Variants in TDG observed in about 807,000 individuals in gnomAD.
The protein encoded by TDG is G/T mismatch-specific thymine DNA glycosylase.
TDG carries 23 observed loss-of-function variants against 46.1 expected under a neutral mutation model. The ratio of observed to expected loss-of-function variants is 0.50; its 90% CI spans 0.36 to 0.71. The LOEUF (loss-of-function observed/expected upper bound fraction) is 0.71. Ranked by LOEUF, TDG falls within the 30% of genes least tolerant of loss-of-function variation. TDG has a pLI of 0.00. For missense variants in TDG, 304 were observed against 486.7 expected (o/e 0.62, Z 3.53); for synonymous variants, 115 against 161.3 (o/e 0.71, Z 2.18).
intron 1 of TDG, chr12:103,972,897 T>G: frequency 1.6e-6 from 1 of 617,790 alleles, no homozygotes; most frequent in Non-Finnish European, 2.9e-6. Flanking sequence ...TTTGAAAAAT[T>G]TTTTTAAAGT....
chr12:103,972,996 G>A (rs1216170656), intron 1 of TDG: 1 of 700,708 alleles, frequency 1.4e-6, no homozygotes, highest in South Asian at 1.5e-5. Context: ...TGGGACATGT[G>A]AAATTCTGAG....
chr12:103,966,113 G>C (rs1001876438), intron 1 of TDG, 53 bp downstream of exon 1: 25 of 1,453,978 alleles, frequency 1.7e-5, no homozygotes, highest in Non-Finnish European at 2.1e-5. Flanking sequence ...TGCTGGGCAG[G>C]CTGGCTGGCG....
rs769582522 is a variant in TDG, at chr12:103,980,875, A to G, written c.409-18A>G. The stretch of plus-strand genomic sequence containing the variant: ...TCCTGCTTTTTAAGATGAAATGTCT[A>G]ATTGTTTTGTTTTATAGATTGGCAT... On this transcript the variant is annotated intron_variant, in intron 3 of 9. Transcript: ENST00000392872. 1.7e-5 allele frequency: 28 copies of G among 1,610,950 alleles called. No individual in the cohort carries two copies. Among genetic ancestry groups the G allele is most frequent in the Non-Finnish European group, 2.4e-5 (28 of 1,178,856 alleles).
intron 1 of TDG, 32 bp downstream of exon 1, chr12:103,966,092 G>C: frequency 1.3e-6 from 2 of 1,548,788 alleles, no homozygotes; most frequent in Non-Finnish European, 1.7e-6. Context: ...CCCCTCCCTT[G>C]CGCCCCTCAC....
intron 1 of TDG, among the ~76,000 whole-genome samples, chr12:103,974,188 T>C (rs925064075): frequency 9.2e-5 from 14 of 152,214 alleles, no homozygotes; most frequent in Non-Finnish European, 1.3e-4. Context: ...GTTTGCCTTT[T>C]TTTTTTCCTG....
intron 1 of TDG, among the ~76,000 whole-genome samples, chr12:103,976,507 G>C (rs1871550113): frequency 6.6e-6 from 1 of 151,832 alleles, no homozygotes. Flanking sequence ...GATTGGAGGG[G>C]ATCTTCAGGT....
At chr12:103,968,356 T>A (rs903308385) in intron 1 of TDG, among the ~76,000 whole-genome samples, 1 of 152,148 alleles carries the variant, frequency 6.6e-6, no homozygotes, top group African/African-American at 2.4e-5. Context: ...AACCCTTGCA[T>A]GAGAGTAGAC....
Position 103,980,906 on chromosome 12 carries a change from C to T in TDG, c.422C>T (p.Pro141Leu), listed in dbSNP as rs1450520026. Residue 141 changes from proline (P) to leucine (L), a missense_variant, in exon 4 of 10, where the codon CCG becomes CTG. Coordinates refer to ENST00000392872, the MANE Select transcript of TDG (RefSeq NM_003211.6). ...TTTGTTTTATAGATTGGCATAAACC[C>T]GGGACTAATGGCTGCTTACAAAGGG... Reference protein sequence around the residue: ...NLDIVIIGINPGLMAAYKGHH... With the variant: ...NLDIVIIGINLGLMAAYKGHH... 20 of 1,613,540 alleles carry T rather than the reference C, an allele frequency of 1.2e-5. No homozygotes were observed. Among genetic ancestry groups the T allele is most frequent in the South Asian group, 2.2e-5 (2 of 91,004 alleles).
At chr12:103,974,436 C>T (rs1201293087) in intron 1 of TDG, among the ~76,000 whole-genome samples, 1 of 151,986 alleles carries the variant, frequency 6.6e-6, no homozygotes, top group Admixed American at 6.6e-5. Flanking sequence ...ACCACCATGC[C>T]CAGCTAATGT....
Position 103,984,918 on chromosome 12 carries a change from A to T in TDG, c.962A>T (p.Gln321Leu), listed in dbSNP as rs774844730. The change falls in exon 8 of 10, where the codon CAA becomes CTA. Residue 321 changes from glutamine (Q) to leucine (L), a missense_variant and splice_region_variant. Gln to Leu is a moderately radical substitution (Grantham distance 113). Transcript: ENST00000392872. ...VQYTFDLQLA[Q>L]EDAKKMAVKE... ...TATACATTTGACCTACAGCTTGCCC[A>T]AGGTATGTTACTGTCCTCATTCCTT... 6.2e-7 allele frequency: 1 copy of T among 1,601,268 alleles called. No homozygotes were observed. The highest frequency in any genetic ancestry group is 1.1e-5 in the South Asian group (1 of 89,572).
chr12:103,988,298 A>T lies in TDG; in HGVS notation c.*1208A>T, dbSNP rs866598253. The T allele has an allele frequency of 2.0e-5, 3 of 152,688 alleles. No homozygotes were observed. Among genetic ancestry groups the T allele is most frequent in the Middle Eastern group, 3.4e-3 (1 of 294 alleles). The allele number at this position is 152,688 out of a possible 1,614,324, so 9.5% of individuals were successfully genotyped here. On this transcript the variant is annotated 3_prime_UTR_variant, in exon 10 of 10. Coordinates refer to ENST00000392872, the MANE Select transcript of TDG (RefSeq NM_003211.6). ...GCATGCTGTTTTGTCAATCAATATA[A>T]AATATTTATGAGGTCTCCCCCACCC...
At chr12:103,985,050 T>C (rs1872055940) in intron 8 of TDG, 130 bp downstream of exon 8, 2 of 523,938 alleles carry the variant, frequency 3.8e-6, no homozygotes, top group East Asian at 1.1e-4. Context: ...TATGCACACG[T>C]GTATATATAC....
intron 4 of TDG, among the ~76,000 whole-genome samples, 175 bp from the exon 5 acceptor site, chr12:103,982,624 G>T (rs1420475188): frequency 6.6e-6 from 1 of 151,980 alleles, no homozygotes; most frequent in Non-Finnish European, 1.5e-5. Context: ...AATTAGCTGG[G>T]CGTGGTGGTG....
chr12:103,966,164 A>C, intron 1 of TDG, 104 bp downstream of exon 1: 1 of 1,347,840 alleles, frequency 7.4e-7, no homozygotes, highest in Non-Finnish European at 9.7e-7. Flanking sequence ...CCCGGCCGGA[A>C]TACAAAGGCC....
At chr12:103,973,248 G>C (rs538076234) in intron 1 of TDG, among the ~76,000 whole-genome samples, 63 of 152,086 alleles carry the variant, frequency 4.1e-4, no homozygotes, top group African/African-American at 1.5e-3. Flanking sequence ...ACCACACCCA[G>C]CTAATTTTGT....
chr12:103,982,872 G>T lies in TDG; in HGVS notation c.552G>T (p.Lys184Asn). ...TGGATGATCACACTCTACCAGGGAA[G>T]TATGGTATTGGATTTACCAACATGG... The part of the protein sequence containing the change: ...NHMDDHTLPG[K>N]YGIGFTNMVE... The change falls in exon 5 of 10, where the codon AAG becomes AAT. Residue 184 changes from lysine (K) to asparagine (N), a missense_variant. Transcript: ENST00000392872. The T allele has an allele frequency of 6.2e-7, 1 of 1,614,172 alleles. No individual in the cohort carries two copies. Among genetic ancestry groups the T allele is most frequent in the Non-Finnish European group, 8.5e-7 (1 of 1,180,036 alleles).
At chr12:103,980,819 C>T (rs1482380141) in intron 3 of TDG, 74 bp from the exon 4 acceptor site, 3 of 1,355,350 alleles carry the variant, frequency 2.2e-6, no homozygotes, top group Non-Finnish European at 3.1e-6. Context: ...ATTTTGTCCA[C>T]CACTCCTCCA....
rs1040271188 is a variant in TDG, at chr12:103,987,847, A to G, written c.*757A>G. The G allele has an allele frequency of 2.6e-5, 4 of 152,610 alleles. No homozygotes were observed. Among genetic ancestry groups the G allele is most frequent in the Non-Finnish European group, 4.4e-5 (3 of 68,020 alleles). The allele number at this position is 152,610 out of a possible 1,614,324, so 9.5% of individuals were successfully genotyped here. ...GAAGGAACTGAATTTCTCCATTCAT[A>G]TTTATAACCATTCTAGTTTTATCTT... On this transcript the variant is annotated 3_prime_UTR_variant, in exon 10 of 10. Coordinates refer to ENST00000392872, the MANE Select transcript of TDG (RefSeq NM_003211.6).
At chr12:103,974,424 G>C in intron 1 of TDG, among the ~76,000 whole-genome samples, 1 of 152,034 alleles carries the variant, frequency 6.6e-6, no homozygotes. Context: ...CTGTCAGCAT[G>C]TACCACCATG....
Sources: gnomAD v4.1 joint callset for allele counts (sites outside exome capture counted in the v4.1 genomes callset) on GRCh38, gnomAD v4.1.1 for gene constraint, MANE v1.5 for transcripts, NCBI Gene and HGNC (gene_info 2026-07-23, HGNC 2026-07-21) for gene names.